Variants in INPP4B observed in about 807,000 individuals in gnomAD.
The protein encoded by INPP4B is inositol polyphosphate 4-phosphatase type II.
A neutral mutation model predicts 122.5 loss-of-function variants in INPP4B; 55 were observed. That is an observed-to-expected ratio of 0.45 (90% CI 0.36 to 0.56). The LOEUF is 0.56. Among genes scored for constraint, INPP4B ranks in the 20% least tolerant of loss-of-function variants. The pLI is 0.00. For missense variants in INPP4B, 1,000 were observed against 1,097.7 expected, an observed-to-expected ratio of 0.91 and a Z score of 1.26; for synonymous variants, 403 against 388.7, an observed-to-expected ratio of 1.04 and a Z score of -0.43.
At chr4:142,327,226 T>C (rs1438822210) in intron 7 of INPP4B, among the ~76,000 whole-genome samples, 2 of 152,118 alleles carry the variant, frequency 1.3e-5, no homozygotes, top group African/African-American at 2.4e-5. Context: ...CACACGTCTA[T>C]TAATCTGTTG....
At chr4:142,726,437 T>C (rs1040091667) in intron 1 of INPP4B, among the ~76,000 whole-genome samples, 3 of 152,224 alleles carry the variant, frequency 2.0e-5, no homozygotes, top group Non-Finnish European at 4.4e-5. Context: ...TTATGAGATG[T>C]AATTTCAGAG....
chr4:142,555,052 C>T (rs1728848078), intron 2 of INPP4B, among the ~76,000 whole-genome samples: 1 of 152,122 alleles, frequency 6.6e-6, no homozygotes. Flanking sequence ...CCCCAGGAAG[C>T]ACCACATGTA....
chr4:142,055,145 A>C (rs1360753485), intron 25 of INPP4B, among the ~76,000 whole-genome samples: 2 of 152,114 alleles, frequency 1.3e-5, no homozygotes, highest in Non-Finnish European at 2.9e-5. Flanking sequence ...ATTCCAAAGT[A>C]ATACTAACTA....
chr4:142,237,090 C>T (rs1409752818), intron 12 of INPP4B, among the ~76,000 whole-genome samples: 1 of 152,132 alleles, frequency 6.6e-6, no homozygotes, highest in Non-Finnish European at 1.5e-5. Context: ...AATCCTTCTA[C>T]CTTATTATAG....
At chr4:142,403,605 G>A (rs1802361746) in intron 6 of INPP4B, among the ~76,000 whole-genome samples, 1 of 151,916 alleles carries the variant, frequency 6.6e-6, no homozygotes, top group South Asian at 2.1e-4. Context: ...ATGGATTTGA[G>A]GCTATAAAAT....
rs1770170938 is a variant in INPP4B, at chr4:142,321,812, C to T, written c.373-7050G>A. 2.7e-5 allele frequency among the ~76,000 whole-genome samples: 4 copies of T among 150,632 alleles called. No individual in the cohort carries two copies. The South Asian group carries it at 8.4e-4, about 32-fold the overall frequency. The stretch of plus-strand genomic sequence containing the variant: ...TTGTTCTATGTGCCTATTTTTATAC[C>T]AGTACCATGCTGTTTTGGTGGTCAT... On this transcript the variant is annotated intron_variant, in intron 7 of 25. Coordinates refer to ENST00000262992, the MANE Select transcript of INPP4B (RefSeq NM_001101669.3).
chr4:142,745,603 A>G (rs1037873463), intron 1 of INPP4B, among the ~76,000 whole-genome samples: 3 of 151,896 alleles, frequency 2.0e-5, no homozygotes, highest in Non-Finnish European at 1.5e-5. Context: ...TAAATACTCT[A>G]TACGGGAGAC....
At chr4:142,574,728 C>A (rs143951592) in intron 2 of INPP4B, among the ~76,000 whole-genome samples, 1 of 152,074 alleles carries the variant, frequency 6.6e-6, no homozygotes, top group Non-Finnish European at 1.5e-5. Context: ...TTTCTCATAT[C>A]GCCATAATAA....
intron 3 of INPP4B, among the ~76,000 whole-genome samples, chr4:142,457,676 C>T (rs1219536873): frequency 6.6e-6 from 1 of 152,138 alleles, no homozygotes; most frequent in African/African-American, 2.4e-5. Context: ...ACCAACCTTC[C>T]AATGTATGGA....
intron 2 of INPP4B, among the ~76,000 whole-genome samples, chr4:142,562,050 C>T (rs188283994): frequency 4.0e-5 from 6 of 151,652 alleles, no homozygotes; most frequent in East Asian, 1.9e-4. Context: ...AGAGGAAAAG[C>T]GAAATTTTAT....
At chr4:142,298,683 CAAAAAAAAAAAA>C (rs386401712) in intron 9 of INPP4B, among the ~76,000 whole-genome samples, 1 of 66,452 alleles carries the variant, frequency 1.5e-5, no homozygotes, top group East Asian at 5.5e-4. Flanking sequence ...GACTCTGTCT[CAAAAAAAAAAAA>C]AAAAAAAAAA....
intron 7 of INPP4B, among the ~76,000 whole-genome samples, chr4:142,351,246 C>G (rs1033865934): frequency 6.6e-6 from 1 of 151,954 alleles, no homozygotes; most frequent in African/African-American, 2.4e-5. Flanking sequence ...GTCCTTTCCT[C>G]CAAGATCTAA....
chr4:142,756,228 G>A (rs78912931), intron 1 of INPP4B, among the ~76,000 whole-genome samples: 3,745 of 152,090 alleles, frequency 0.025, 58 homozygotes, highest in Middle Eastern at 0.095. Context: ...CAGCCATTTT[G>A]GGACCATGAA....
intron 7 of INPP4B, among the ~76,000 whole-genome samples, chr4:142,399,700 C>A (rs1365631018): frequency 6.6e-6 from 1 of 152,142 alleles, no homozygotes; most frequent in African/African-American, 2.4e-5. Context: ...CATAGCCTAG[C>A]CATGGGCTTC....
At position 142,104,931 on chromosome 4, in the gene INPP4B, C is replaced by A. The variant is rs1403395561; in HGVS notation, c.2374+3162G>T. On this transcript the variant is annotated intron_variant, in intron 23 of 25. Coordinates refer to ENST00000262992, the MANE Select transcript of INPP4B (RefSeq NM_001101669.3). ...TTATTTTTATTTTTTTCAAATATTT[C>A]TTATCTGGGGTTGATTGAATCTGCC... Among the ~76,000 whole-genome samples, 5 of 151,618 alleles carry A rather than the reference C, an allele frequency of 3.3e-5. No homozygotes were observed. In the East Asian group the frequency reaches 9.7e-4, roughly 29 times the overall value.
At chr4:142,754,844 T>C (rs1580841757) in intron 1 of INPP4B, among the ~76,000 whole-genome samples, 1 of 152,050 alleles carries the variant, frequency 6.6e-6, no homozygotes, top group East Asian at 1.9e-4. Flanking sequence ...AGGCTTTTTG[T>C]GTATTCACAT....
At chr4:142,695,713 G>C (rs1326760885) in intron 2 of INPP4B, among the ~76,000 whole-genome samples, 1 of 152,184 alleles carries the variant, frequency 6.6e-6, no homozygotes. Flanking sequence ...ATTTAAATCA[G>C]TTATATAATG....
intron 1 of INPP4B, among the ~76,000 whole-genome samples, chr4:142,740,593 A>C (rs1025746467): frequency 1.8e-4 from 28 of 151,974 alleles, no homozygotes; most frequent in African/African-American, 6.8e-4. Flanking sequence ...TTGGATTTTA[A>C]TAGCCTTATA....
chr4:142,841,110 T>G (rs1216312889), intron 1 of INPP4B, among the ~76,000 whole-genome samples: 1 of 152,062 alleles, frequency 6.6e-6, no homozygotes, highest in Non-Finnish European at 1.5e-5. Context: ...ATGTGATGTA[T>G]GCTAATCTCT....
Sources: gnomAD v4.1 joint callset for allele counts (sites outside exome capture counted in the v4.1 genomes callset) on GRCh38, gnomAD v4.1.1 for gene constraint, MANE v1.5 for transcripts, NCBI Gene and HGNC (gene_info 2026-07-23, HGNC 2026-07-21) for gene names.